The following MIS18BP1 variants were observed in gnomAD, a reference collection of about 807,000 sequenced individuals.
MIS18BP1 encodes MIS18 binding protein 1.
Under a neutral mutation model 116.1 loss-of-function variants are expected in MIS18BP1, and 72 were observed. The ratio of observed to expected loss-of-function variants is 0.62; its 90% CI spans 0.51 to 0.75. The LOEUF is 0.75. Among genes scored for constraint, MIS18BP1 ranks in the 30% least tolerant of loss-of-function variants. The pLI, the probability that MIS18BP1 is intolerant of heterozygous loss-of-function variation, is 0.00. For missense variants in MIS18BP1, 1,363 were observed against 1,303.2 expected (o/e 1.05, Z -0.71); for synonymous variants, 386 against 427.0 (o/e 0.90, Z 1.18).
chr14:45,208,112 C>G (rs1179432956), intron 14 of MIS18BP1, among the ~76,000 whole-genome samples: 1 of 152,118 alleles, frequency 6.6e-6, no homozygotes, highest in East Asian at 1.9e-4. Flanking sequence ...TTGAAAACTA[C>G]TATCCACTGG....
intron 15 of MIS18BP1, among the ~76,000 whole-genome samples, chr14:45,204,664 T>C (rs1031354966): frequency 6.6e-6 from 1 of 152,100 alleles, no homozygotes; most frequent in Non-Finnish European, 1.5e-5. Context: ...TGTTTCCCAG[T>C]GCTGGCAAAC....
rs751180035 is a variant in MIS18BP1, at chr14:45,242,037, AT to A, written c.1139del (p.Asn380IlefsTer3). 3.1e-6 allele frequency: 5 copies of A among 1,593,934 alleles called. No homozygotes were observed. Among genetic ancestry groups the A allele is most frequent in the African/African-American group, 1.4e-5 (1 of 73,812 alleles). ...TCTGTCTTAAAAGTTTTCCCACCTG[AT>A]TTTTTTTAAGTCCATTTGTAACAGT... ...FQTVTNGLKK[N>X]QVVQLQEWMI... On this transcript the variant is annotated frameshift_variant, in exon 4 of 17. Coordinates refer to ENST00000310806, the MANE Select transcript of MIS18BP1 (RefSeq NM_018353.5). LOFTEE classifies it high-confidence loss of function.
At chr14:45,225,674 A>G (rs1891105864) in intron 10 of MIS18BP1, among the ~76,000 whole-genome samples, 1 of 152,208 alleles carries the variant, frequency 6.6e-6, no homozygotes, top group Non-Finnish European at 1.5e-5. Context: ...CAACCTGAGA[A>G]TCTTATATCT....
chr14:45,206,092 C>G lies in MIS18BP1; in HGVS notation c.3231G>C (p.Lys1077Asn), dbSNP rs767733125. 27 of 1,592,396 alleles carry G rather than the reference C, an allele frequency of 1.7e-5. No homozygotes were observed. The highest frequency in any genetic ancestry group is 2.2e-5 in the Non-Finnish European group (26 of 1,164,914). The stretch of plus-strand genomic sequence containing the variant: ...AAAGAAAAATACTTACTAATTTTTT[C>G]TTGATGTTGCCCCAGACAATACCAC... Reference protein sequence around the residue: ...SNGGIVWGNIKKKLVETDFST... With the variant: ...SNGGIVWGNINKKLVETDFST... The change falls in exon 15 of 17, where the codon AAG becomes AAC. Residue 1077 changes from lysine (K) to asparagine (N), a missense_variant. Transcript: ENST00000310806.
chr14:45,235,677 A>T, intron 6 of MIS18BP1, 137 bp downstream of exon 6: 1 of 608,458 alleles, frequency 1.6e-6, no homozygotes, highest in Non-Finnish European at 2.5e-6. Context: ...TACCAGTTTT[A>T]TATAATATCA....
chr14:45,227,596 C>A, intron 9 of MIS18BP1, 67 bp downstream of exon 9: 2 of 1,332,624 alleles, frequency 1.5e-6, no homozygotes, highest in South Asian at 1.4e-5. Flanking sequence ...TGGTCCCAAA[C>A]CTTTTCAGTA....
At chr14:45,245,805 T>C (rs533280293) in intron 2 of MIS18BP1, among the ~76,000 whole-genome samples, 1 of 152,344 alleles carries the variant, frequency 6.6e-6, no homozygotes, top group Non-Finnish European at 1.5e-5. Flanking sequence ...GTGCTAATGA[T>C]TCCCCAATGT....
chr14:45,247,412 T>A, intron 1 of MIS18BP1, 35 bp from the exon 2 acceptor site: 1 of 698,498 alleles, frequency 1.4e-6, no homozygotes, highest in South Asian at 2.3e-5. Context: ...TTTATCATGC[T>A]TTGGTGCAGA....
intron 1 of MIS18BP1, among the ~76,000 whole-genome samples, chr14:45,248,957 G>A (rs1336589702): frequency 3.9e-5 from 6 of 152,162 alleles, no homozygotes; most frequent in Non-Finnish European, 8.8e-5. Flanking sequence ...CCAGGCTGGA[G>A]TGCAGTGGTG....
rs201345640 is a variant in MIS18BP1 at position 45,204,425 on chromosome 14, G to A, written c.3269C>T (p.Pro1090Leu). ...LVETDFSTPT[P>L]RRKTPFNTDL... ...TGTGTTAAATGGGGTTTTCCTTCTT[G>A]GTGTTGGAGTTGAGAAATCAGTTTC... The change falls in exon 16 of 17, where the codon CCA (proline) becomes CTA (leucine). Residue 1090 changes from proline (P) to leucine (L), a missense_variant. Transcript: ENST00000310806. 1.2e-6 allele frequency: 2 copies of A among 1,604,988 alleles called. No homozygotes were observed. The highest frequency in any genetic ancestry group is 3.5e-5 in the Admixed American group (2 of 57,640).
chr14:45,223,983 T>A lies in MIS18BP1; in HGVS notation c.2604A>T (p.Leu868Phe). The A allele has an allele frequency of 6.2e-7, 1 of 1,611,116 alleles. No homozygotes were observed. The highest frequency in any genetic ancestry group is 8.5e-7 in the Non-Finnish European group (1 of 1,179,280). Residue 868 changes from leucine (L) to phenylalanine (F), a missense_variant, in exon 11 of 17, where the codon TTA (leucine) becomes TTT (phenylalanine). Leu to Phe is a conservative substitution (Grantham distance 22). Transcript: ENST00000310806. ...CCTGAATTAAACCAGGTAAGCATTC[T>A]AAGGGATGCCTATTTGTCTTATCAG... Reference protein sequence around the residue: ...VGSDKTNRHPLECLPGLIQDK... With the variant: ...VGSDKTNRHPFECLPGLIQDK...
At chr14:45,226,696 ATAG>A in intron 10 of MIS18BP1, 44 bp downstream of exon 10, 1 of 1,279,336 alleles carries the variant, frequency 7.8e-7, no homozygotes, top group Non-Finnish European at 1.0e-6. Context: ...AACATTTCAC[ATAG>A]TAGCTTTCTG....
At chr14:45,226,567 G>C (rs1258099737) in intron 10 of MIS18BP1, among the ~76,000 whole-genome samples, 176 bp downstream of exon 10, 2 of 152,002 alleles carry the variant, frequency 1.3e-5, no homozygotes, top group Non-Finnish European at 2.9e-5. Context: ...GTTTTTAAAA[G>C]GGCTATTTTA....
intron 1 of MIS18BP1, 21 bp downstream of exon 1, chr14:45,253,014 G>A (rs777123172): frequency 1.3e-5 from 2 of 152,284 alleles, no homozygotes; most frequent in African/African-American, 4.8e-5. Flanking sequence ...GAGGTTAGCG[G>A]AGGGCGCGGG....
At position 45,204,082 on chromosome 14, in the gene MIS18BP1, T is replaced by TC. The variant is rs751696915; in HGVS notation, c.*26dup. 6.2e-7 allele frequency: 1 copy of TC among 1,602,770 alleles called. No individual in the cohort carries two copies. The highest frequency in any genetic ancestry group is 8.5e-7 in the Non-Finnish European group (1 of 1,175,986). On this transcript the variant is annotated 3_prime_UTR_variant, in exon 17 of 17. Transcript: ENST00000310806. ...AACACTGTCTGCTTTATGGTAAAAA[T>TC]CCCAGGAATCATATTTTCTCATTTT...
chr14:45,232,762 C>T lies in MIS18BP1; in HGVS notation c.1407G>A (p.Glu469=), dbSNP rs763535745. The change falls in exon 7 of 17, where the codon GAG becomes GAA. Residue 469 remains glutamate (E), a synonymous_variant. Coordinates refer to ENST00000310806, the MANE Select transcript of MIS18BP1 (RefSeq NM_018353.5). Reference sequence around the variant, plus strand: ...ATTGTTCCAGAAAATTATCAATGTGCTCTTTCCAATTTTCTGGAAATCCAA... The same window carrying T: ...ATTGTTCCAGAAAATTATCAATGTGTTCTTTCCAATTTTCTGGAAATCCAA... ...FMFGFPENWK[E]HIDNFLEQLR... 1.3e-6 allele frequency: 2 copies of T among 1,482,754 alleles called. No homozygotes were observed. The highest frequency in any genetic ancestry group is 2.0e-4 in the Middle Eastern group (1 of 5,080). 91.8% of individuals were successfully genotyped at this position (1,482,754 alleles called of 1,614,324 possible).
Position 45,224,560 on chromosome 14 carries a change from T to C in MIS18BP1, c.2027A>G (p.Lys676Arg). Residue 676 changes from lysine to arginine, a missense_variant, in exon 11 of 17, where the codon AAA becomes AGA. By Grantham distance (26) the Lys-to-Arg change is conservative. Coordinates refer to ENST00000310806, the MANE Select transcript of MIS18BP1 (RefSeq NM_018353.5). ...TGGTATTACAAAATCTGTTACTGCT[T>C]TGATGGTGCCAGCGGACAGATTATA... ...MRYNLSAGTI[K>R]AVTDFVIPEC... 1 of 1,613,044 alleles carries C rather than the reference T, an allele frequency of 6.2e-7. No homozygotes were observed. The highest frequency in any genetic ancestry group is 1.7e-4 in the Middle Eastern group (1 of 6,048).
chr14:45,236,050 T>TGTTG, intron 5 of MIS18BP1, 106 bp from the exon 6 acceptor site: 1 of 1,031,426 alleles, frequency 9.7e-7, no homozygotes, highest in Non-Finnish European at 1.4e-6. Context: ...ATGTTATTAG[T>TGTTG]CTAATTACAA....
At chr14:45,226,268 A>ATT (rs777420690) in intron 10 of MIS18BP1, among the ~76,000 whole-genome samples, 10 of 152,166 alleles carry the variant, frequency 6.6e-5, no homozygotes, top group Non-Finnish European at 1.0e-4. Context: ...CTTTTCACTT[A>ATT]TAAGAGGAAA....
Sources: gnomAD v4.1 joint callset for allele counts (sites outside exome capture counted in the v4.1 genomes callset) on GRCh38, gnomAD v4.1.1 for gene constraint, MANE v1.5 for transcripts, NCBI Gene and HGNC (gene_info 2026-07-23, HGNC 2026-07-21) for gene names.